PRDM1: variants seen among roughly 807,000 people sequenced by gnomAD.
PRDM1 encodes PR domain zinc finger protein 1.
PRDM1 carries 13 observed loss-of-function variants against 62.8 expected under a neutral mutation model. The ratio of observed to expected loss-of-function variants is 0.21; its 90% CI spans 0.13 to 0.33. The LOEUF is 0.33. Ranked by LOEUF, PRDM1 falls within the 10% of genes least tolerant of loss-of-function variation. The probability of loss-of-function intolerance (pLI) is 1.00; values close to 1 mark genes in which losing one functional copy is unlikely to be tolerated. For missense variants in PRDM1, 895 were observed against 1,058.8 expected, an observed-to-expected ratio of 0.85 and a Z score of 2.15; for synonymous variants, 396 against 417.6, an observed-to-expected ratio of 0.95 and a Z score of 0.63.
chr6:106,076,951 A>G (rs1280095114), intron 1 of PRDM1, among the ~76,000 whole-genome samples: 1 of 152,250 alleles, frequency 6.6e-6, no homozygotes, highest in Non-Finnish European at 1.5e-5. Context: ...GGCTGAGTGG[A>G]CAAAAGCAGA....
rs1774577362 is a variant in PRDM1, at chr6:106,108,476, T to C, written c.*990T>C. The C allele has an allele frequency of 4.3e-6, 1 of 232,554 alleles. No individual in the cohort carries two copies. Among genetic ancestry groups the C allele is most frequent in the Non-Finnish European group, 8.5e-6 (1 of 117,780 alleles). 14.4% of individuals were successfully genotyped at this position (232,554 alleles called of 1,614,324 possible). ...ATAGGTGGCTTTGTGTGTGTGCGATTTGGGGGCTTGAGTCTGGGTGGTGTT... is the reference window on the plus strand; with the variant it reads ...ATAGGTGGCTTTGTGTGTGTGCGATCTGGGGGCTTGAGTCTGGGTGGTGTT... On this transcript the variant is annotated 3_prime_UTR_variant, in exon 7 of 7. Transcript: ENST00000369096.
chr6:105,994,204 C>T lies in PRDM1; in HGVS notation c.-67+565C>T, dbSNP rs1011399520. 2.6e-5 allele frequency among the ~76,000 whole-genome samples: 4 copies of T among 152,002 alleles called. No homozygotes were observed. The highest frequency in any genetic ancestry group is 5.9e-5 in the Non-Finnish European group (4 of 67,996). ...GACGCCGCATCTACTGAGCGGTCGC[C>T]GAAGACGCCGGGAGGCGAGGGGCGA... On this transcript the variant is annotated intron_variant, in intron 1 of 6. Coordinates refer to the PRDM1 transcript ENST00000652320. This position sits in a 1 kb window ranked among gnomAD's most constrained non-coding sequence, Gnocchi z 4.1.
At chr6:106,082,138 T>C (rs1482634585), upstream of PRDM1, among the ~76,000 whole-genome samples, 3 of 152,260 alleles carry the variant, frequency 2.0e-5, no homozygotes, top group Non-Finnish European at 4.4e-5. Context: ...ACACCTTTCC[T>C]ATTGCTCTTT....
intron 1 of PRDM1, among the ~76,000 whole-genome samples, chr6:106,075,958 T>A (rs185848880): frequency 0.014 from 2,171 of 151,680 alleles, 22 homozygotes; most frequent in Middle Eastern, 0.041. Context: ...AAAAAAAATT[T>A]TTTTTTTTTT....
intron 1 of PRDM1, among the ~76,000 whole-genome samples, chr6:106,033,917 A>T (rs1476868784): frequency 6.6e-6 from 1 of 151,730 alleles, no homozygotes; most frequent in East Asian, 1.9e-4. Context: ...TTTATTACTC[A>T]TTCATTCTCC....
intron 1 of PRDM1, among the ~76,000 whole-genome samples, chr6:106,051,873 G>A (rs1423429623): frequency 2.0e-5 from 3 of 152,116 alleles, no homozygotes; most frequent in Non-Finnish European, 2.9e-5. Flanking sequence ...TGTGTAAATT[G>A]GAGAATCAGA....
intron 1 of PRDM1, among the ~76,000 whole-genome samples, chr6:106,038,875 A>T (rs1160607907): frequency 6.6e-6 from 1 of 152,046 alleles, no homozygotes; most frequent in Non-Finnish European, 1.5e-5. Flanking sequence ...CATGAGACAA[A>T]TTTTGCCAGT....
intron 1 of PRDM1, among the ~76,000 whole-genome samples, chr6:106,005,419 C>T (rs1184613488): frequency 6.6e-6 from 1 of 152,204 alleles, no homozygotes; most frequent in Non-Finnish European, 1.5e-5. Context: ...AAGCTGTCAA[C>T]CAGGTGTTTA....
intron 3 of PRDM1, among the ~76,000 whole-genome samples, chr6:106,096,757 G>A (rs2114632990): frequency 6.6e-6 from 1 of 152,274 alleles, no homozygotes; most frequent in South Asian, 2.1e-4. Flanking sequence ...TAAAACACTG[G>A]ATTAGCAGTG....
At chr6:106,023,568 T>C (rs999969476) in intron 1 of PRDM1, among the ~76,000 whole-genome samples, 62 of 152,320 alleles carry the variant, frequency 4.1e-4, no homozygotes, top group African/African-American at 1.4e-3. Flanking sequence ...TGGAGGTCAT[T>C]ACATTTTCTT....
At chr6:106,040,722 C>G (rs749321443) in intron 1 of PRDM1, among the ~76,000 whole-genome samples, 29 of 152,102 alleles carry the variant, frequency 1.9e-4, no homozygotes, top group Non-Finnish European at 3.8e-4. Flanking sequence ...GTAAAAGCTC[C>G]CTTTTCAATG....
chr6:106,002,147 A>G (rs1240870416), intron 1 of PRDM1, among the ~76,000 whole-genome samples: 1 of 152,018 alleles, frequency 6.6e-6, no homozygotes, highest in African/African-American at 2.4e-5. Flanking sequence ...CTTAAGTAGC[A>G]TTTGAATTGA....
intron 1 of PRDM1, among the ~76,000 whole-genome samples, chr6:105,998,006 A>C (rs1054819438): frequency 1.3e-5 from 2 of 152,270 alleles, no homozygotes; most frequent in Non-Finnish European, 2.9e-5. Flanking sequence ...TTCTATTAGA[A>C]AACTGTGTAT....
At chr6:106,071,792 G>A (rs944899258) in intron 1 of PRDM1, among the ~76,000 whole-genome samples, 12 of 152,160 alleles carry the variant, frequency 7.9e-5, no homozygotes, top group African/African-American at 2.9e-4. Context: ...TTGCTTGGAA[G>A]GGAGGGTGGG....
intron 1 of PRDM1, among the ~76,000 whole-genome samples, chr6:106,050,944 T>C (rs1344226838): frequency 1.3e-5 from 2 of 152,216 alleles, no homozygotes; most frequent in African/African-American, 4.8e-5. Context: ...AAATTGTGCT[T>C]AGAAAGAAAT....
In PRDM1 at chr6:106,074,001, G is replaced by T. The variant is rs187107726; in HGVS notation, c.-66-14200G>T. Among the ~76,000 whole-genome samples, 42 of 152,308 alleles carry T rather than the reference G, an allele frequency of 2.8e-4. No homozygotes were observed. The East Asian group carries it at 6.7e-3, about 24-fold the overall frequency. On this transcript the variant is annotated intron_variant, in intron 1 of 6. Coordinates refer to the PRDM1 transcript ENST00000651185. Reference sequence around the variant, plus strand: ...ATCCGTGGGAGCCATGCAAAATTTGGGGGGAGGGAAGGACCATGGGAAGGC... The same window carrying T: ...ATCCGTGGGAGCCATGCAAAATTTGTGGGGAGGGAAGGACCATGGGAAGGC...
At chr6:106,026,049 G>A (rs1399868893) in intron 1 of PRDM1, among the ~76,000 whole-genome samples, 1 of 152,066 alleles carries the variant, frequency 6.6e-6, no homozygotes, top group Non-Finnish European at 1.5e-5. Flanking sequence ...ACTTAGGATG[G>A]TTTACTTTTT....
intron 1 of PRDM1, among the ~76,000 whole-genome samples, chr6:106,039,522 T>C (rs1772964155): frequency 6.6e-6 from 1 of 152,204 alleles, no homozygotes; most frequent in South Asian, 2.1e-4. Context: ...TTTGAAACAT[T>C]GTGCCAATTT....
intron 1 of PRDM1, chr6:106,072,358 G>A (rs1773532564): frequency 6.6e-6 from 1 of 152,236 alleles, no homozygotes; most frequent in African/African-American, 2.4e-5. Flanking sequence ...CGCAAATGAG[G>A]TAGCTCTGGG....
Sources: gnomAD v4.1 joint callset for allele counts (sites outside exome capture counted in the v4.1 genomes callset) on GRCh38, gnomAD v4.1.1 for gene constraint, Gnocchi (gnomAD v3.1) non-coding constraint, MANE v1.5 for transcripts, NCBI Gene and HGNC (gene_info 2026-07-23, HGNC 2026-07-21) for gene names.